CPA4: variants seen among roughly 807,000 people sequenced by gnomAD.
CPA4 encodes carboxypeptidase A4.
A neutral mutation model predicts 54.7 loss-of-function variants in CPA4; 49 were observed. The ratio of observed to expected loss-of-function variants is 0.90; its 90% CI spans 0.71 to 1.14. The LOEUF (loss-of-function observed/expected upper bound fraction) is 1.14. CPA4 is among the 50% of genes most tolerant of loss of function. CPA4 has a pLI of 0.00. For missense variants in CPA4, 487 were observed against 525.1 expected (o/e 0.93, Z 0.71); for synonymous variants, 215 against 206.8 (o/e 1.04, Z -0.34).
At chr7:130,309,442 T>G (rs565856644) in intron 8 of CPA4, among the ~76,000 whole-genome samples, 3 of 152,282 alleles carry the variant, frequency 2.0e-5, no homozygotes, top group African/African-American at 7.2e-5. Context: ...TCCACTCCAG[T>G]ACCCTTAGAT....
In CPA4 at chr7:130,322,799, C is replaced by A; in HGVS notation, c.*123C>A. ...CCTCTGGGTTTGTGGAGCACACAGGCCTGCCCCTCTCCAGCCAGCTCCCTG... is the reference window on the plus strand; with the variant it reads ...CCTCTGGGTTTGTGGAGCACACAGGACTGCCCCTCTCCAGCCAGCTCCCTG... On this transcript the variant is annotated 3_prime_UTR_variant, in exon 11 of 11. Transcript: ENST00000222482. 1 of 922,544 alleles carries A rather than the reference C, an allele frequency of 1.1e-6. No homozygotes were observed. The highest frequency in any genetic ancestry group is 1.7e-5 in the African/African-American group (1 of 60,070). The allele number at this position is 922,544 out of a possible 1,614,324, so 57.1% of individuals were successfully genotyped here. A position where few individuals can be genotyped will look rare whatever the true frequency, so the allele number is the denominator to read the frequency against.
intron 8 of CPA4, among the ~76,000 whole-genome samples, chr7:130,308,821 G>A (rs1307630384): frequency 4.0e-5 from 6 of 149,720 alleles, no homozygotes; most frequent in Non-Finnish European, 5.9e-5. Flanking sequence ...AAAGTGCTGG[G>A]AGTATAGCCG....
chr7:130,321,822 C>T (rs1369202944), intron 10 of CPA4, among the ~76,000 whole-genome samples: 1 of 152,156 alleles, frequency 6.6e-6, no homozygotes, highest in Non-Finnish European at 1.5e-5. Flanking sequence ...CCACTGGGTC[C>T]CTCCCACAAC....
chr7:130,307,550 T>G (rs1003631509), intron 7 of CPA4, among the ~76,000 whole-genome samples: 1 of 144,534 alleles, frequency 6.9e-6, no homozygotes, highest in Admixed American at 7.4e-5. Flanking sequence ...GAGAATGACG[T>G]GAACCCGGGA....
chr7:130,311,125 C>A, intron 9 of CPA4, 139 bp downstream of exon 9: 1 of 677,808 alleles, frequency 1.5e-6, no homozygotes, highest in African/African-American at 1.8e-5. Flanking sequence ...TCTCTCCCTG[C>A]CCTTTGGGAT....
At chr7:130,317,103 A>G (rs946779855) in intron 10 of CPA4, among the ~76,000 whole-genome samples, 10 of 152,070 alleles carry the variant, frequency 6.6e-5, no homozygotes. Context: ...ACCTGAAGGG[A>G]TCTTTATCTG....
Position 130,307,027 on chromosome 7 carries a change from C to T in CPA4, c.702+130C>T, listed in dbSNP as rs978387223. ...CTTCCTTGGGATTTCATCTTCTAGT[C>T]ATCCTCAGAGCTGAGAATCACCAGG... is the stretch of plus-strand genomic sequence containing the variant. On this transcript the variant is annotated intron_variant, in intron 7 of 10. Coordinates refer to ENST00000222482, the MANE Select transcript of CPA4 (RefSeq NM_016352.4). 2.0e-5 allele frequency: 14 copies of T among 686,590 alleles called. No individual in the cohort carries two copies. In the African/African-American group the frequency reaches 2.1e-4, roughly 11 times the overall value. 42.5% of individuals were successfully genotyped at this position (686,590 alleles called of 1,614,324 possible).
chr7:130,320,904 T>A (rs902894339), intron 10 of CPA4, among the ~76,000 whole-genome samples: 1 of 152,218 alleles, frequency 6.6e-6, no homozygotes. Flanking sequence ...CATTTTATTA[T>A]TTAATGTCAT....
chr7:130,300,776 CT>C (rs1228859141), intron 3 of CPA4, 39 bp from the exon 4 acceptor site: 1 of 1,412,288 alleles, frequency 7.1e-7, no homozygotes, highest in Middle Eastern at 1.8e-4. Context: ...AAACCTGCGT[CT>C]GCAATGGATC....
In CPA4 at chr7:130,295,571, G is replaced by T. The variant is rs116148184; in HGVS notation, c.68+2323G>T. Reference sequence around the variant, plus strand: ...ACCATCTTGAGCCTCATGAACTGACGAGGGCATTTTTCAAATACAGACAAG... The same window carrying T: ...ACCATCTTGAGCCTCATGAACTGACTAGGGCATTTTTCAAATACAGACAAG... On this transcript the variant is annotated intron_variant, in intron 1 of 10. Coordinates refer to ENST00000222482, the MANE Select transcript of CPA4 (RefSeq NM_016352.4). Among the ~76,000 whole-genome samples, 417 of 152,306 alleles carry T rather than the reference G, an allele frequency of 2.7e-3. 2 individuals are homozygous for T. The highest frequency in any genetic ancestry group is 9.8e-3 in the African/African-American group (408 of 41,566).
intron 8 of CPA4, among the ~76,000 whole-genome samples, chr7:130,308,887 G>C (rs1199352498): frequency 1.0e-4 from 13 of 123,954 alleles, no homozygotes; most frequent in Non-Finnish European, 1.5e-4. Context: ...TTGCTCCATC[G>C]CCCAGGCTGG....
intron 10 of CPA4, among the ~76,000 whole-genome samples, chr7:130,318,428 T>A (rs964149444): frequency 6.6e-6 from 1 of 152,246 alleles, no homozygotes; most frequent in African/African-American, 2.4e-5. Flanking sequence ...CTTTTTGAAA[T>A]GGAGTTTCGT....
intron 10 of CPA4, among the ~76,000 whole-genome samples, chr7:130,314,171 G>A (rs1793955015): frequency 6.6e-6 from 1 of 152,184 alleles, no homozygotes; most frequent in South Asian, 2.1e-4. Context: ...TAGTTTGGTG[G>A]TCAGAGGGGT....
chr7:130,293,257 CT>C lies in CPA4; in HGVS notation c.68+13del. ...CAAGAAAAATTTTTTGGGTAAGTTC[CT>C]TTTGGACTTATTATTTGGTTATTTC... On this transcript the variant is annotated intron_variant, in intron 1 of 10. Transcript: ENST00000222482. 1 of 1,535,268 alleles carries C rather than the reference CT, an allele frequency of 6.5e-7. No individual in the cohort carries two copies. The highest frequency in any genetic ancestry group is 9.0e-7 in the Non-Finnish European group (1 of 1,108,600).
chr7:130,312,173 C>T (rs529274615), intron 10 of CPA4, 51 bp downstream of exon 10: 1 of 1,358,128 alleles, frequency 7.4e-7, no homozygotes, highest in Non-Finnish European at 1.1e-6. Context: ...TGAGAGGAAA[C>T]TTGAAATGGA....
chr7:130,313,074 T>C (rs1334208879), intron 10 of CPA4, among the ~76,000 whole-genome samples: 4 of 152,104 alleles, frequency 2.6e-5, no homozygotes. Flanking sequence ...GACCTTATAG[T>C]TATAAAAGGA....
At chr7:130,304,448 T>C in intron 4 of CPA4, 30 bp from the exon 5 acceptor site, 3 of 1,308,760 alleles carry the variant, frequency 2.3e-6, no homozygotes, top group Non-Finnish European at 3.3e-6. Context: ...ATTTTTAAAA[T>C]GTCCCTGGAT....
In CPA4 at chr7:130,295,809, G is replaced by A. The variant is rs540188319; in HGVS notation, c.68+2561G>A. 2.8e-4 allele frequency among the ~76,000 whole-genome samples: 42 copies of A among 152,092 alleles called. 1 individual carries two copies. The highest frequency in any genetic ancestry group is 9.4e-4 in the African/African-American group (39 of 41,496). The stretch of plus-strand genomic sequence containing the variant: ...AGCCTGACCAACATAGAGAAACCCC[G>A]CCTCTACTAAAAATACAAAATTAGC... On this transcript the variant is annotated intron_variant, in intron 1 of 10. Coordinates refer to ENST00000222482, the MANE Select transcript of CPA4 (RefSeq NM_016352.4).
chr7:130,318,617 G>T (rs1423089818), intron 10 of CPA4, among the ~76,000 whole-genome samples: 1 of 152,052 alleles, frequency 6.6e-6, no homozygotes, highest in Non-Finnish European at 1.5e-5. Context: ...CTCCATGTTG[G>T]TCAGTCTGGT....
Sources: allele counts gnomAD v4.1 joint callset (sites outside exome capture counted in the v4.1 genomes callset), GRCh38; gene constraint gnomAD v4.1.1; transcripts MANE v1.5; gene names NCBI Gene and HGNC (gene_info 2026-07-23, HGNC 2026-07-21).